Variants in ELFN2 observed in about 807,000 individuals in gnomAD.
ELFN2 encodes the protein extracellular leucine rich repeat and fibronectin type III domain containing 2, also known as protein phosphatase 1 regulatory subunit 29.
ELFN2 carries 17 observed loss-of-function variants against 45.5 expected under a neutral mutation model. That is an observed-to-expected ratio of 0.37 (90% CI 0.26 to 0.56). ELFN2 has a LOEUF of 0.56. Among genes scored for constraint, ELFN2 ranks in the 20% least tolerant of loss-of-function variants. ELFN2 has a pLI of 0.77. For missense variants in ELFN2, 922 were observed against 1,183.2 expected, an observed-to-expected ratio of 0.78 and a Z score of 3.24; for synonymous variants, 550 against 551.5, an observed-to-expected ratio of 1.00 and a Z score of 0.04.
intron 1 of ELFN2, among the ~76,000 whole-genome samples, chr22:37,343,716 C>A (rs1363669323): frequency 6.6e-6 from 1 of 150,436 alleles, no homozygotes; most frequent in African/African-American, 2.5e-5. Context: ...GACCCACCCC[C>A]CCCGGACCCC....
chr22:37,399,843 C>G (rs556745082), intron 2 of ELFN2, among the ~76,000 whole-genome samples: 2 of 152,220 alleles, frequency 1.3e-5, no homozygotes, highest in African/African-American at 4.8e-5. Context: ...ACCACCTCCC[C>G]GCCATGGCCG....
intron 2 of ELFN2, among the ~76,000 whole-genome samples, chr22:37,378,279 G>C (rs1304406266): frequency 1.3e-5 from 2 of 152,218 alleles, no homozygotes; most frequent in Non-Finnish European, 2.9e-5. Flanking sequence ...TGTTATAGTT[G>C]GCATGTTTAA....
chr22:37,377,088 G>C (rs1378545694), intron 2 of ELFN2, among the ~76,000 whole-genome samples: 1 of 152,234 alleles, frequency 6.6e-6, no homozygotes, highest in Non-Finnish European at 1.5e-5. Flanking sequence ...CCCACTTGAT[G>C]GGGGAGAAGA....
At chr22:37,343,260 G>C (rs890357578) in intron 1 of ELFN2, among the ~76,000 whole-genome samples, 2 of 152,120 alleles carry the variant, frequency 1.3e-5, no homozygotes, top group Admixed American at 6.5e-5. Context: ...GGCCCCAGCT[G>C]CAACGGTCTG....
At chr22:37,397,652 T>C (rs1256942226) in intron 2 of ELFN2, among the ~76,000 whole-genome samples, 3 of 152,108 alleles carry the variant, frequency 2.0e-5, no homozygotes, top group Admixed American at 6.5e-5. Flanking sequence ...CCTTCTTATG[T>C]GGGGACGTGG....
intron 2 of ELFN2, among the ~76,000 whole-genome samples, chr22:37,383,887 G>A (rs762897426): frequency 6.6e-6 from 1 of 152,182 alleles, no homozygotes; most frequent in Non-Finnish European, 1.5e-5. Flanking sequence ...CCAAAGAAGG[G>A]GCATGGGGCT....
intron 2 of ELFN2, among the ~76,000 whole-genome samples, chr22:37,390,579 G>C (rs1292851998): frequency 6.9e-6 from 1 of 144,808 alleles, no homozygotes; most frequent in Non-Finnish European, 1.5e-5. Flanking sequence ...CAGCCCCCCA[G>C]AGGGTTCAAA....
At chr22:37,418,980 C>T (rs1192838642) in intron 1 of ELFN2, 1 of 152,270 alleles carries the variant, frequency 6.6e-6, no homozygotes, top group Non-Finnish European at 1.5e-5. Flanking sequence ...CCGAGGAGGC[C>T]CCTCTCCCTG....
intron 2 of ELFN2, among the ~76,000 whole-genome samples, chr22:37,388,571 C>T (rs536805339): frequency 6.6e-6 from 1 of 152,348 alleles, no homozygotes; most frequent in East Asian, 1.9e-4. Flanking sequence ...AGGTCTGTGA[C>T]TCCAGTGCTC....
At chr22:37,366,088 TGAA>T (rs1040104754), downstream of ELFN2, among the ~76,000 whole-genome samples, 15 of 152,202 alleles carry the variant, frequency 9.9e-5, no homozygotes, top group Admixed American at 9.8e-4. Context: ...TTCAAATAAT[TGAA>T]GTGTGCAGAA....
Position 37,375,855 on chromosome 22 carries a change from C to T in ELFN2, c.-321G>A. On this transcript the variant is annotated 5_prime_UTR_variant, in exon 3 of 3. Coordinates refer to ENST00000402918, the MANE Select transcript of ELFN2 (RefSeq NM_052906.5). ...TCCTCTCCCTCCTCCTCCTCCTCCT[C>T]CTCCTCCTCCTCCTCGTCTTCCTCC... 2.4e-6 allele frequency: 1 copy of T among 420,010 alleles called. No homozygotes were observed. Among genetic ancestry groups the T allele is most frequent in the Non-Finnish European group, 4.4e-6 (1 of 226,930 alleles). The allele number at this position is 420,010 out of a possible 1,614,324, so 26.0% of individuals were successfully genotyped here. A position where few individuals can be genotyped will look rare whatever the true frequency, so the allele number is the denominator to read the frequency against.
chr22:37,342,797 T>TGGGGGGG (rs952710277), intron 1 of ELFN2: 1 of 8,846 alleles, frequency 1.1e-4, no homozygotes, highest in Non-Finnish European at 2.0e-4. Flanking sequence ...AAGGTGTGGG[T>TGGGGGGG]GGGGGGGTGG....
chr22:37,413,051 C>A (rs925589718), intron 2 of ELFN2, among the ~76,000 whole-genome samples: 1 of 152,166 alleles, frequency 6.6e-6, no homozygotes, highest in Non-Finnish European at 1.5e-5. Flanking sequence ...CGTTTGCAAC[C>A]GGGTGTGACA....
At chr22:37,359,564 C>T (rs6000688) in intron 1 of ELFN2, among the ~76,000 whole-genome samples, 23,377 of 152,214 alleles carry the variant, frequency 0.15, 2,994 homozygotes, top group African/African-American at 0.35. Flanking sequence ...GGCCAGGCCA[C>T]GGTATGAACG....
At position 37,373,373 on chromosome 22, in the gene ELFN2, G is replaced by A; in HGVS notation, c.2162C>T (p.Ala721Val). 10 of 1,611,944 alleles carry A rather than the reference G, an allele frequency of 6.2e-6. No homozygotes were observed. The highest frequency in any genetic ancestry group is 8.5e-6 in the Non-Finnish European group (10 of 1,179,554). ...SFPALYYEEG[A>V]DSLSQRVSFL... ...GGACACGCGCTGGCTCAGGCTGTCG[G>A]CACCCTCCTCGTAGTACAGGGCGGG... is the stretch of plus-strand genomic sequence containing the variant. Residue 721 changes from alanine to valine, a missense_variant, in exon 3 of 3, where the codon GCC becomes GTC. Physicochemically the swap from Ala to Val is moderately conservative, Grantham distance 64. Coordinates refer to ENST00000402918, the MANE Select transcript of ELFN2 (RefSeq NM_052906.5).
intron 1 of ELFN2, among the ~76,000 whole-genome samples, chr22:37,359,914 A>C (rs907208888): frequency 3.9e-5 from 6 of 152,254 alleles, no homozygotes; most frequent in Non-Finnish European, 8.8e-5. Flanking sequence ...GGAGTTCTGC[A>C]GTCATGTTTA....
chr22:37,356,272 G>A (rs545012213), intron 1 of ELFN2, among the ~76,000 whole-genome samples: 1 of 152,300 alleles, frequency 6.6e-6, no homozygotes, highest in South Asian at 2.1e-4. Flanking sequence ...GTTACCCGAA[G>A]GGCCTTCACT....
chr22:37,373,816 C>G lies in ELFN2; in HGVS notation c.1719G>C (p.Glu573Asp). 1 of 1,612,648 alleles carries G rather than the reference C, an allele frequency of 6.2e-7. No individual in the cohort carries two copies. The highest frequency in any genetic ancestry group is 8.5e-7 in the Non-Finnish European group (1 of 1,179,808). Residue 573 changes from glutamate (E) to aspartate (D), a missense_variant, in exon 3 of 3, where the codon GAG becomes GAC. Coordinates refer to ENST00000402918, the MANE Select transcript of ELFN2 (RefSeq NM_052906.5). Reference sequence around the variant, plus strand: ...GGAGGGACTGGCACTCGAAGGCCAGCTCGGGGTCCCCACTGCTGCTGCCGC... The same window carrying G: ...GGAGGGACTGGCACTCGAAGGCCAGGTCGGGGTCCCCACTGCTGCTGCCGC... ...LGGGSSSGDPELAFECQSLPA... is the reference protein window; with the variant it reads ...LGGGSSSGDPDLAFECQSLPA...
rs190967142 is a variant in ELFN2 at position 37,372,427 on chromosome 22, C to G, written c.*645G>C. The stretch of plus-strand genomic sequence containing the variant: ...AAAGGGATGTGGGGTGGGCACAGGG[C>G]GGGCAGGGGTCCACAAGAGAGCTGC... On this transcript the variant is annotated 3_prime_UTR_variant, in exon 3 of 3. Transcript: ENST00000402918. The surrounding 1 kb of genome is among the most constrained non-coding windows in gnomAD (Gnocchi z 4.4). The G allele has an allele frequency of 6.7e-6, 1 of 149,760 alleles. No homozygotes were observed. Among genetic ancestry groups the G allele is most frequent in the South Asian group, 2.2e-4 (1 of 4,568 alleles). 9.3% of individuals were successfully genotyped at this position (149,760 alleles called of 1,614,324 possible). A position where few individuals can be genotyped will look rare whatever the true frequency, so the allele number is the denominator to read the frequency against.
Sources: gnomAD v4.1 joint callset for allele counts (sites outside exome capture counted in the v4.1 genomes callset) on GRCh38, gnomAD v4.1.1 for gene constraint, Gnocchi (gnomAD v3.1) non-coding constraint, MANE v1.5 for transcripts, NCBI Gene and HGNC (gene_info 2026-07-23, HGNC 2026-07-21) for gene names.